The following CA8 variants were observed in gnomAD, a reference collection of about 807,000 sequenced individuals.
CA8 encodes the protein carbonic anhydrase 8 (inactive).
Under a neutral mutation model 41.4 loss-of-function variants are expected in CA8, and 22 were observed. The observed-to-expected ratio is 0.53, with a 90% confidence interval of 0.38 to 0.76. The LOEUF is 0.76. CA8 is among the 30% of genes least tolerant of loss of function. The pLI, the probability that CA8 is intolerant of heterozygous loss-of-function variation, is 0.00. For synonymous variants in CA8, 121 were observed against 130.6 expected (o/e 0.93, Z 0.50); for missense variants, 270 against 352.8 (o/e 0.77, Z 1.88).
At chr8:60,234,670 A>G (rs1807769512) in intron 3 of CA8, among the ~76,000 whole-genome samples, 1 of 152,166 alleles carries the variant, frequency 6.6e-6, no homozygotes, top group Non-Finnish European at 1.5e-5. Flanking sequence ...GCAAAATAAC[A>G]CGAAATGAAA....
At chr8:60,214,416 G>T (rs1238298143) in intron 7 of CA8, among the ~76,000 whole-genome samples, 1 of 152,164 alleles carries the variant, frequency 6.6e-6, no homozygotes, top group Non-Finnish European at 1.5e-5. Context: ...TGTCAGAGGG[G>T]ACCCATTCAG....
At chr8:60,195,442 T>G (rs1806254184) in intron 8 of CA8, among the ~76,000 whole-genome samples, 2 of 152,240 alleles carry the variant, frequency 1.3e-5, no homozygotes, top group Admixed American at 6.5e-5. Context: ...AGTACTGATG[T>G]AAGTTCCAGT....
At chr8:60,225,273 C>CAG in intron 5 of CA8, among the ~76,000 whole-genome samples, 1 of 152,246 alleles carries the variant, frequency 6.6e-6, no homozygotes, top group Non-Finnish European at 1.5e-5. Context: ...TCATGTGACT[C>CAG]AGATGTTTCT....
At chr8:60,273,075 A>G (rs1393007606) in intron 2 of CA8, among the ~76,000 whole-genome samples, 1 of 152,178 alleles carries the variant, frequency 6.6e-6, no homozygotes, top group African/African-American at 2.4e-5. Context: ...GTATAGTATT[A>G]TATCTGCCTG....
chr8:60,228,109 C>G (rs79110189), intron 4 of CA8, among the ~76,000 whole-genome samples: 2,846 of 152,246 alleles, frequency 0.019, 94 homozygotes, highest in African/African-American at 0.064. Context: ...AACTGCAAAA[C>G]ATGCAGATGA....
chr8:60,227,300 A>T (rs1034937796), intron 4 of CA8, among the ~76,000 whole-genome samples: 1 of 152,162 alleles, frequency 6.6e-6, no homozygotes, highest in Non-Finnish European at 1.5e-5. Flanking sequence ...CTCAAAAAAA[A>T]AAAACTAACA....
intron 3 of CA8, chr8:60,232,778 T>C: frequency 4.7e-6 from 1 of 213,866 alleles, no homozygotes; most frequent in South Asian, 8.4e-5. Flanking sequence ...AAATACTGCA[T>C]CACCCAGTAC....
chr8:60,253,233 TCAAAAAAA>T (rs1808511704), intron 3 of CA8, among the ~76,000 whole-genome samples: 2 of 151,838 alleles, frequency 1.3e-5, no homozygotes, highest in Non-Finnish European at 2.9e-5. Context: ...AGACCCTATC[TCAAAAAAA>T]TAAATAAAAA....
At chr8:60,276,907 T>C (rs1804255945) in intron 2 of CA8, among the ~76,000 whole-genome samples, 1 of 151,852 alleles carries the variant, frequency 6.6e-6, no homozygotes. Context: ...TCACCTGAGG[T>C]CAGGAGTTTG....
rs546162939 is a variant in CA8, at chr8:60,219,929, T to TAAAAAAAAAAAAAAAA, written c.738+2704_738+2719dup. ...CTCTAGTATTTCCTAAATCTTAACT[T>TAAAAAAAAAAAAAAAA]AAAAAAAAAAAAAAAAAAAAAAAAC... On this transcript the variant is annotated intron_variant, in intron 7 of 8. Transcript: ENST00000317995. Among the ~76,000 whole-genome samples, 35 of 82,002 alleles carry TAAAAAAAAAAAAAAAA rather than the reference T, an allele frequency of 4.3e-4. 4 individuals carry two copies. The highest frequency in any genetic ancestry group is 4.7e-4 in the Non-Finnish European group (20 of 42,876). 53.8% of individuals were successfully genotyped at this position (82,002 alleles called of 152,430 possible).
chr8:60,200,586 A>G, intron 8 of CA8, among the ~76,000 whole-genome samples: 1 of 152,232 alleles, frequency 6.6e-6, no homozygotes, highest in South Asian at 2.1e-4. Flanking sequence ...TGTTTCCTCA[A>G]TAATTGCTAA....
Position 60,198,007 on chromosome 8 carries a change from T to C in CA8, c.*36-8022A>G, listed in dbSNP as rs372560089. Among the ~76,000 whole-genome samples, 44 of 152,250 alleles carry C rather than the reference T, an allele frequency of 2.9e-4. No homozygotes were observed. In the South Asian group the frequency reaches 3.1e-3, roughly 11 times the overall value. On this transcript the variant is annotated intron_variant, in intron 8 of 8. Transcript: ENST00000317995. ...TATGTTATGAAAAAATGAAAACATA[T>C]GGTTCTTTCTTCCCAGGAATGTCAT...
At chr8:60,262,718 T>C (rs1803773572) in intron 3 of CA8, among the ~76,000 whole-genome samples, 1 of 152,236 alleles carries the variant, frequency 6.6e-6, no homozygotes, top group African/African-American at 2.4e-5. Flanking sequence ...GATTATATCG[T>C]TCTCTTGCTA....
chr8:60,206,168 C>G (rs1806569977), intron 8 of CA8, among the ~76,000 whole-genome samples: 1 of 152,144 alleles, frequency 6.6e-6, no homozygotes, highest in Admixed American at 6.5e-5. Context: ...AGCAAATTAT[C>G]CCCTTTAAGT....
chr8:60,203,259 T>C lies in CA8; in HGVS notation c.*35+5491A>G, dbSNP rs938522760. ...AAAACAAATTGTCAAGGTGCTAAGA[T>C]TGGAGATAAAAAAAAGAAAAATGAG... is the stretch of plus-strand genomic sequence containing the variant. On this transcript the variant is annotated intron_variant, in intron 8 of 8. Coordinates refer to ENST00000317995, the MANE Select transcript of CA8 (RefSeq NM_004056.6). 1.1e-4 allele frequency among the ~76,000 whole-genome samples: 17 copies of C among 152,084 alleles called. No individual in the cohort carries two copies. In the South Asian group the frequency reaches 1.5e-3, roughly 13 times the overall value.
At chr8:60,254,163 G>GT (rs1416935743) in intron 3 of CA8, among the ~76,000 whole-genome samples, 2 of 152,080 alleles carry the variant, frequency 1.3e-5, no homozygotes, top group Admixed American at 6.5e-5. Context: ...CACAAATGTT[G>GT]TTTTTTTACA....
intron 3 of CA8, among the ~76,000 whole-genome samples, chr8:60,251,005 A>G (rs909285293): frequency 1.3e-5 from 2 of 152,212 alleles, no homozygotes; most frequent in Non-Finnish European, 1.5e-5. Flanking sequence ...ACATGTAATA[A>G]TAGCTATATA....
chr8:60,279,931 T>C (rs762520438), intron 1 of CA8, 51 bp from the exon 2 acceptor site: 48 of 1,494,392 alleles, frequency 3.2e-5, no homozygotes, highest in Middle Eastern at 1.9e-4. Context: ...TAAATTACAG[T>C]AAAATTTAAC....
At chr8:60,256,296 G>A (rs1021495739) in intron 3 of CA8, among the ~76,000 whole-genome samples, 18 of 152,146 alleles carry the variant, frequency 1.2e-4, no homozygotes, top group Non-Finnish European at 2.6e-4. Flanking sequence ...AAGGAATTGA[G>A]GTTAAACAGT....
Sources: allele counts gnomAD v4.1 joint callset (sites outside exome capture counted in the v4.1 genomes callset), GRCh38; gene constraint gnomAD v4.1.1; transcripts MANE v1.5; gene names NCBI Gene and HGNC (gene_info 2026-07-23, HGNC 2026-07-21).